TAOK3: variants seen among roughly 807,000 people sequenced by gnomAD.
TAOK3 encodes the protein serine/threonine-protein kinase TAO3.
A neutral mutation model predicts 120.4 loss-of-function variants in TAOK3; 40 were observed. The ratio of observed to expected loss-of-function variants is 0.33; its 90% CI spans 0.26 to 0.43. TAOK3 has a LOEUF of 0.43. Among genes scored for constraint, TAOK3 ranks in the 20% least tolerant of loss-of-function variants. The pLI is 1.00. For missense variants in TAOK3, 821 were observed against 1,112.1 expected, an observed-to-expected ratio of 0.74 and a Z score of 3.72; for synonymous variants, 355 against 387.5, an observed-to-expected ratio of 0.92 and a Z score of 0.99.
intron 11 of TAOK3, among the ~76,000 whole-genome samples, chr12:118,202,407 A>T (rs2038068470): frequency 6.6e-6 from 1 of 152,116 alleles, no homozygotes; most frequent in Non-Finnish European, 1.5e-5. Flanking sequence ...GGAACAAATT[A>T]ACATTTTGTT....
Position 118,202,773 on chromosome 12 carries a change from CTTTTTTT to C in TAOK3, c.820-1317_820-1311del, listed in dbSNP as rs58282262. On this transcript the variant is annotated intron_variant, in intron 11 of 20. Coordinates refer to ENST00000392533, the MANE Select transcript of TAOK3 (RefSeq NM_016281.4). Reference sequence around the variant, plus strand: ...GAAGCAATGCATAGTATAGTCTATTCTTTTTTTTTTTTTTTTTTTTTTTTGAGATGGA... The same window carrying C: ...GAAGCAATGCATAGTATAGTCTATTCTTTTTTTTTTTTTTTTTGAGATGGA... 2.0e-4 allele frequency among the ~76,000 whole-genome samples: 20 copies of C among 100,646 alleles called. 1 individual carries two copies. Among genetic ancestry groups the C allele is most frequent in the African/African-American group, 7.4e-4 (18 of 24,354 alleles). 66.0% of individuals were successfully genotyped at this position (100,646 alleles called of 152,430 possible). A position where few individuals can be genotyped will look rare whatever the true frequency, so the allele number is the denominator to read the frequency against.
chr12:118,328,005 A>G (rs2043999285), intron 1 of TAOK3, among the ~76,000 whole-genome samples: 2 of 152,112 alleles, frequency 1.3e-5, no homozygotes, highest in Admixed American at 6.6e-5. Flanking sequence ...GTTTATATGC[A>G]GAACTAAGAT....
chr12:118,207,594 C>T (rs1555221741), intron 11 of TAOK3, among the ~76,000 whole-genome samples: 1 of 152,088 alleles, frequency 6.6e-6, no homozygotes, highest in Non-Finnish European at 1.5e-5. Context: ...GTGGCTCATG[C>T]CTGTAATCCC....
intron 11 of TAOK3, among the ~76,000 whole-genome samples, chr12:118,211,493 T>C (rs2038628153): frequency 6.6e-6 from 1 of 152,214 alleles, no homozygotes; most frequent in Non-Finnish European, 1.5e-5. Flanking sequence ...ATATGATTTT[T>C]TAAACTGTTA....
At chr12:118,257,021 T>C (rs1245715450) in intron 2 of TAOK3, among the ~76,000 whole-genome samples, 1 of 152,204 alleles carries the variant, frequency 6.6e-6, no homozygotes, top group Non-Finnish European at 1.5e-5. Flanking sequence ...TAAAACCTTA[T>C]ATATATTATC....
At chr12:118,321,480 G>C (rs991678282) in intron 1 of TAOK3, among the ~76,000 whole-genome samples, 2 of 152,110 alleles carry the variant, frequency 1.3e-5, no homozygotes, top group African/African-American at 4.8e-5. Flanking sequence ...GGCTGGTCTT[G>C]AACTACTGGG....
intron 16 of TAOK3, among the ~76,000 whole-genome samples, chr12:118,175,690 C>T (rs534278358): frequency 1.9e-4 from 29 of 152,116 alleles, no homozygotes; most frequent in South Asian, 1.7e-3. Context: ...TAAAACAATG[C>T]GCCATATTGA....
intron 13 of TAOK3, among the ~76,000 whole-genome samples, chr12:118,193,384 C>T (rs1304235172): frequency 6.6e-6 from 1 of 152,074 alleles, no homozygotes; most frequent in Admixed American, 6.6e-5. Context: ...TAAATTTCTT[C>T]AGATTAAAAA....
At chr12:118,223,448 G>A (rs2039348690) in intron 9 of TAOK3, among the ~76,000 whole-genome samples, 1 of 151,538 alleles carries the variant, frequency 6.6e-6, no homozygotes, top group African/African-American at 2.4e-5. Flanking sequence ...CCGGGTTCAC[G>A]CCATTCTCCT....
intron 13 of TAOK3, among the ~76,000 whole-genome samples, chr12:118,195,796 A>G (rs1228513583): frequency 6.6e-6 from 1 of 152,180 alleles, no homozygotes; most frequent in African/African-American, 2.4e-5. Flanking sequence ...CATGCCTGTA[A>G]TCCCAGCACT....
intron 1 of TAOK3, among the ~76,000 whole-genome samples, chr12:118,320,115 T>C (rs1223568372): frequency 6.6e-6 from 1 of 152,150 alleles, no homozygotes; most frequent in African/African-American, 2.4e-5. Context: ...TATTATATGA[T>C]TCCACTTGTA....
intron 14 of TAOK3, among the ~76,000 whole-genome samples, chr12:118,185,100 T>C (rs1259598161): frequency 6.7e-6 from 1 of 149,746 alleles, no homozygotes; most frequent in Non-Finnish European, 1.5e-5. Flanking sequence ...GGGGCACATT[T>C]AAGGAAAAAA....
intron 14 of TAOK3, among the ~76,000 whole-genome samples, chr12:118,186,766 T>G (rs7959442): frequency 0.025 from 3,865 of 152,298 alleles, 159 homozygotes; most frequent in African/African-American, 0.086. Context: ...GTTACAATGC[T>G]AAAGTTTTCT....
chr12:118,283,810 G>C (rs2042175391), intron 1 of TAOK3: 1 of 176,114 alleles, frequency 5.7e-6, no homozygotes. Context: ...CAAAGGATTG[G>C]AGGTTGCAGC....
chr12:118,181,527 C>A lies in TAOK3; in HGVS notation c.1410G>T (p.Gln470His). 6.2e-7 allele frequency: 1 copy of A among 1,614,216 alleles called. No homozygotes were observed. Among genetic ancestry groups the A allele is most frequent in the Non-Finnish European group, 8.5e-7 (1 of 1,180,040 alleles). ...QMSGYKRMRR[Q>H]HQKQLIALEN... ...CCAGGGCGATCAGCTGCTTCTGGTGCTGGCGCCGCATCCGCTTATAACCTG... is the reference window on the plus strand; with the variant it reads ...CCAGGGCGATCAGCTGCTTCTGGTGATGGCGCCGCATCCGCTTATAACCTG... The change falls in exon 15 of 21, where the codon CAG (glutamine) becomes CAT (histidine). Residue 470 changes from glutamine to histidine, a missense_variant. Coordinates refer to ENST00000392533, the MANE Select transcript of TAOK3 (RefSeq NM_016281.4).
intron 1 of TAOK3, among the ~76,000 whole-genome samples, chr12:118,286,255 T>A (rs2042262914): frequency 6.6e-6 from 1 of 152,160 alleles, no homozygotes. Context: ...AATGACTTAG[T>A]ACTTGTGCCA....
At chr12:118,334,137 CAA>C (rs57605394) in intron 1 of TAOK3, among the ~76,000 whole-genome samples, 20,868 of 77,208 alleles carry the variant, frequency 0.27, 1,714 homozygotes, top group African/African-American at 0.36. Flanking sequence ...CTCCCATCTC[CAA>C]AAAAAAAAAA....
chr12:118,209,437 C>T (rs1420557354), intron 11 of TAOK3, among the ~76,000 whole-genome samples: 3 of 152,118 alleles, frequency 2.0e-5, no homozygotes, highest in Non-Finnish European at 4.4e-5. Context: ...CAGAGTCTTG[C>T]TGTTGCCCAG....
chr12:118,218,103 G>A (rs936740159), intron 9 of TAOK3, among the ~76,000 whole-genome samples: 39 of 151,238 alleles, frequency 2.6e-4, no homozygotes, highest in African/African-American at 8.2e-4. Flanking sequence ...CTTGTGATCC[G>A]TCCGCCTTGG....
Sources: gnomAD v4.1 joint callset for allele counts (sites outside exome capture counted in the v4.1 genomes callset) on GRCh38, gnomAD v4.1.1 for gene constraint, MANE v1.5 for transcripts, NCBI Gene and HGNC (gene_info 2026-07-23, HGNC 2026-07-21) for gene names.